Variants in RPIA observed in about 807,000 individuals in gnomAD.
RPIA encodes the protein ribose-5-phosphate isomerase.
Under a neutral mutation model 37.8 loss-of-function variants are expected in RPIA, and 29 were observed. The ratio of observed to expected loss-of-function variants is 0.77; its 90% CI spans 0.57 to 1.05. RPIA has a LOEUF of 1.05. RPIA is among the 50% of genes least tolerant of loss of function. The pLI, the probability that RPIA is intolerant of heterozygous loss-of-function variation, is 0.00. For missense variants in RPIA, 385 were observed against 413.6 expected (o/e 0.93, Z 0.60); for synonymous variants, 167 against 157.0 (o/e 1.06, Z -0.48).
intron 8 of RPIA, among the ~76,000 whole-genome samples, chr2:88,740,504 A>G (rs1409742949): frequency 2.0e-5 from 3 of 152,134 alleles, no homozygotes; most frequent in African/African-American, 7.2e-5. Flanking sequence ...AAGTAGGGCG[A>G]GTTTCCCTGT....
At chr2:88,734,435 G>C (rs1673290586) in intron 4 of RPIA, 117 bp from the exon 5 acceptor site, 1 of 924,084 alleles carries the variant, frequency 1.1e-6, no homozygotes, top group Non-Finnish European at 1.8e-6. Context: ...TGCTAAATGG[G>C]AGTACTAGAA....
rs1672787552 is a variant in RPIA, at chr2:88,698,531, T to C, written c.333T>C (p.Ala111=). The C allele has an allele frequency of 3.1e-6, 5 of 1,614,122 alleles. No individual in the cohort carries two copies. Among genetic ancestry groups the C allele is most frequent in the Non-Finnish European group, 4.2e-6 (5 of 1,179,932 alleles). Residue 111 remains alanine, a synonymous_variant, in exon 2 of 9, where the codon GCT becomes GCC. Transcript: ENST00000283646. ...GIGSGSTIVH[A]VQRIAERVKQ... is the part of the protein sequence containing the mutation. ...GAAGTGGTTCTACAATTGTCCATGC[T>C]GTGCAGCGAATAGGTATGCTCTCTC... is the stretch of plus-strand genomic sequence containing the variant.
At position 88,710,383 on chromosome 2, in the gene RPIA, A is replaced by G. The variant is rs1159012139; in HGVS notation, c.402+10319A>G. On this transcript the variant is annotated intron_variant, in intron 3 of 8. Transcript: ENST00000283646. Reference sequence around the variant, plus strand: ...AAAGGAAAGAATAAGAGGGTTCTGAAGGAGCAGTTGGAGGGGAGGAGGTGA... The same window carrying G: ...AAAGGAAAGAATAAGAGGGTTCTGAGGGAGCAGTTGGAGGGGAGGAGGTGA... Among the ~76,000 whole-genome samples, 3 of 152,206 alleles carry G rather than the reference A, an allele frequency of 2.0e-5. No individual in the cohort carries two copies. In the East Asian group the frequency reaches 5.8e-4, roughly 29 times the overall value.
chr2:88,694,489 A>G (rs1174504782), intron 1 of RPIA, among the ~76,000 whole-genome samples: 3 of 152,216 alleles, frequency 2.0e-5, no homozygotes, highest in East Asian at 3.8e-4. Context: ...GCTTCAGGTC[A>G]TATGTGAAGG....
At chr2:88,718,440 A>G (rs1467351483) in intron 3 of RPIA, among the ~76,000 whole-genome samples, 1 of 152,204 alleles carries the variant, frequency 6.6e-6, no homozygotes, top group Non-Finnish European at 1.5e-5. Context: ...GAGCCCAGCC[A>G]TTATGGATTT....
At chr2:88,734,643 A>T in intron 5 of RPIA, 27 bp downstream of exon 5, 1 of 1,610,720 alleles carries the variant, frequency 6.2e-7, no homozygotes, top group Non-Finnish European at 8.5e-7. Flanking sequence ...CTTCTGTGCT[A>T]AAGAGTATCT....
At chr2:88,721,735 T>G (rs1673134560) in intron 3 of RPIA, among the ~76,000 whole-genome samples, 1 of 149,362 alleles carries the variant, frequency 6.7e-6, no homozygotes, top group East Asian at 1.9e-4. Context: ...ATATATTATA[T>G]AATTATAATT....
At chr2:88,742,775 A>G (rs1389377543) in intron 8 of RPIA, among the ~76,000 whole-genome samples, 2 of 151,222 alleles carry the variant, frequency 1.3e-5, no homozygotes, top group African/African-American at 4.9e-5. Context: ...GGTTGGGTAT[A>G]CTCCTAAGTA....
intron 3 of RPIA, among the ~76,000 whole-genome samples, chr2:88,712,634 T>C (rs1165819312): frequency 2.0e-5 from 3 of 152,232 alleles, no homozygotes; most frequent in Non-Finnish European, 2.9e-5. Context: ...TTATGTATGA[T>C]TACTTTTCCT....
chr2:88,717,405 G>A (rs1305367333), intron 3 of RPIA, among the ~76,000 whole-genome samples: 1 of 152,124 alleles, frequency 6.6e-6, no homozygotes, highest in African/African-American at 2.4e-5. Context: ...GATGAACATT[G>A]GTTTGGTCTG....
chr2:88,745,340 G>GT (rs1320460147), intron 8 of RPIA, among the ~76,000 whole-genome samples: 2 of 152,100 alleles, frequency 1.3e-5, no homozygotes, highest in Admixed American at 6.6e-5. Flanking sequence ...TGGATACCTT[G>GT]TTTTTTTGCA....
Position 88,750,783 on chromosome 2 carries a change from G to A in RPIA, c.*705G>A, listed in dbSNP as rs1673496278. 2 of 398,480 alleles carry A rather than the reference G, an allele frequency of 5.0e-6. No individual in the cohort carries two copies. Among genetic ancestry groups the A allele is most frequent in the Admixed American group, 4.4e-5 (1 of 22,716 alleles). The allele number at this position is 398,480 out of a possible 1,614,324, so 24.7% of individuals were successfully genotyped here. A position where few individuals can be genotyped will look rare whatever the true frequency, so the allele number is the denominator to read the frequency against. ...CTGCCAAAGCACTGCTGTGAAATGT[G>A]AAGTACTTTGTTTTTTTATTTTTAA... On this transcript the variant is annotated 3_prime_UTR_variant, in exon 9 of 9. Coordinates refer to ENST00000283646, the MANE Select transcript of RPIA (RefSeq NM_144563.3).
intron 3 of RPIA, among the ~76,000 whole-genome samples, chr2:88,710,443 G>C (rs981318344): frequency 6.6e-6 from 1 of 152,164 alleles, no homozygotes; most frequent in South Asian, 2.1e-4. Flanking sequence ...TTTCAGTGGA[G>C]AAAGTTTCCA....
intron 8 of RPIA, among the ~76,000 whole-genome samples, chr2:88,748,928 G>GTTTCCCA (rs1355507636): frequency 6.6e-6 from 1 of 152,046 alleles, no homozygotes; most frequent in African/African-American, 2.4e-5. Flanking sequence ...TTCCCAGGCT[G>GTTTCCCA]GTCTCGAACT....
At chr2:88,699,944 A>G in intron 2 of RPIA, 65 bp from the exon 3 acceptor site, 2 of 1,540,280 alleles carry the variant, frequency 1.3e-6, no homozygotes, top group Non-Finnish European at 1.8e-6. Flanking sequence ...TCGAGCAAAC[A>G]CATATGACAA....
chr2:88,749,780 G>A lies in RPIA; in HGVS notation c.839-201G>A, dbSNP rs557926916. Among the ~76,000 whole-genome samples, 257 of 152,350 alleles carry A rather than the reference G, an allele frequency of 1.7e-3. 2 individuals carry two copies. Among genetic ancestry groups the A allele is most frequent in the African/African-American group, 6.1e-3 (253 of 41,578 alleles). Reference sequence around the variant, plus strand: ...GTTTGGGTACAGAAAGAAGGCCAAAGTGGGAGGGGAGAAAGAGGTGGCAAG... The same window carrying A: ...GTTTGGGTACAGAAAGAAGGCCAAAATGGGAGGGGAGAAAGAGGTGGCAAG... On this transcript the variant is annotated intron_variant, in intron 8 of 8. Transcript: ENST00000283646.
intron 8 of RPIA, among the ~76,000 whole-genome samples, chr2:88,747,889 T>C (rs776846595): frequency 3.3e-5 from 5 of 152,194 alleles, no homozygotes; most frequent in Non-Finnish European, 4.4e-5. Flanking sequence ...GTTTTCCTGG[T>C]ATGTTCCTGT....
chr2:88,696,877 A>C (rs1426536402), intron 1 of RPIA, among the ~76,000 whole-genome samples: 1 of 152,182 alleles, frequency 6.6e-6, no homozygotes, highest in Non-Finnish European at 1.5e-5. Context: ...CTCTGACCTA[A>C]TCACCTCTTA....
chr2:88,728,350 TC>T (rs1233729205), intron 3 of RPIA, among the ~76,000 whole-genome samples: 2 of 152,198 alleles, frequency 1.3e-5, no homozygotes, highest in African/African-American at 4.8e-5. Flanking sequence ...ATTTCATCTG[TC>T]CCTACCTTTT....
Sources: allele counts gnomAD v4.1 joint callset (sites outside exome capture counted in the v4.1 genomes callset), GRCh38; gene constraint gnomAD v4.1.1; transcripts MANE v1.5; gene names NCBI Gene and HGNC (gene_info 2026-07-23, HGNC 2026-07-21).